The following GAK variants were observed in gnomAD, a reference collection of about 807,000 sequenced individuals.
GAK encodes cyclin-G-associated kinase.
GAK carries 79 observed loss-of-function variants against 143.9 expected under a neutral mutation model. The ratio of observed to expected loss-of-function variants is 0.55; its 90% CI spans 0.46 to 0.66. The LOEUF is 0.66. Among genes scored for constraint, GAK ranks in the 30% least tolerant of loss-of-function variants. GAK has a pLI of 0.00. For missense variants in GAK, 1,693 were observed against 1,779.7 expected, an observed-to-expected ratio of 0.95 and a Z score of 0.88; for synonymous variants, 881 against 765.5, an observed-to-expected ratio of 1.15 and a Z score of -2.49.
At position 868,668 on chromosome 4, in the gene GAK, G is replaced by T; in HGVS notation, c.2266C>A (p.Arg756=). ...LSKFGKPELP[R]QPGSTAQYDA... ...TACTGAGCCGTGGAGCCAGGCTGCCGGGGAAGCTCCGGCTTCCCTGCAGGA... is the reference window on the plus strand; with the variant it reads ...TACTGAGCCGTGGAGCCAGGCTGCCTGGGAAGCTCCGGCTTCCCTGCAGGA... The change falls in exon 20 of 28, where the codon CGG becomes AGG. Residue 756 remains arginine (R), a synonymous_variant. Transcript: ENST00000314167. 1 of 1,553,010 alleles carries T rather than the reference G, an allele frequency of 6.4e-7. No homozygotes were observed. The highest frequency in any genetic ancestry group is 8.7e-7 in the Non-Finnish European group (1 of 1,148,652).
chr4:902,330 G>A (rs1180754010), intron 5 of GAK, among the ~76,000 whole-genome samples: 2 of 151,934 alleles, frequency 1.3e-5, no homozygotes, highest in East Asian at 3.9e-4. Flanking sequence ...GGCAGCCTGG[G>A]AGCGGTGGCT....
chr4:859,584 C>T, intron 24 of GAK, 22 bp downstream of exon 24: 1 of 1,590,354 alleles, frequency 6.3e-7, no homozygotes, highest in Non-Finnish European at 8.6e-7. Flanking sequence ...CTTCCACACC[C>T]CCAAAGTGCC....
intron 5 of GAK, among the ~76,000 whole-genome samples, chr4:903,117 A>G (rs536652308): frequency 6.7e-6 from 1 of 149,854 alleles, no homozygotes; most frequent in African/African-American, 2.5e-5. Flanking sequence ...CACGGAGCGC[A>G]GGCCCAGCCC....
At chr4:859,831 G>A in intron 23 of GAK, 109 bp from the exon 24 acceptor site, 1 of 786,320 alleles carries the variant, frequency 1.3e-6, no homozygotes, top group Non-Finnish European at 2.1e-6. Context: ...ACTCCTGCCT[G>A]AGAGCTGGCA....
At chr4:907,506 T>C (rs1721293049) in intron 4 of GAK, among the ~76,000 whole-genome samples, 1 of 152,208 alleles carries the variant, frequency 6.6e-6, no homozygotes, top group Non-Finnish European at 1.5e-5. Context: ...CCATCATGGA[T>C]GGGCGAGTCT....
chr4:911,335 T>A (rs1446995006), intron 4 of GAK, among the ~76,000 whole-genome samples: 1 of 151,874 alleles, frequency 6.6e-6, no homozygotes, highest in African/African-American at 2.4e-5. Flanking sequence ...GGACAGACGC[T>A]CCTCCACCCC....
chr4:854,889 C>CA (rs1220361015), intron 24 of GAK, among the ~76,000 whole-genome samples: 1 of 152,148 alleles, frequency 6.6e-6, no homozygotes, highest in East Asian at 1.9e-4. Flanking sequence ...ACTAAAAATA[C>CA]AAAAAATTAG....
chr4:874,572 C>T (rs1186317093), intron 18 of GAK, among the ~76,000 whole-genome samples: 1 of 152,130 alleles, frequency 6.6e-6, no homozygotes, highest in Non-Finnish European at 1.5e-5. Flanking sequence ...CATGCATTCC[C>T]ACCCCGTCCT....
rs756537777 is a variant in GAK, at chr4:886,368, G to A, written c.1206-2282C>T. 3.3e-5 allele frequency: 5 copies of A among 152,132 alleles called. No homozygotes were observed. The South Asian group carries it at 6.2e-4, about 19-fold the overall frequency. The allele number at this position is 152,132 out of a possible 1,614,324, so 9.4% of individuals were successfully genotyped here. A position where few individuals can be genotyped will look rare whatever the true frequency, so the allele number is the denominator to read the frequency against. Reference sequence around the variant, plus strand: ...AGCCATTTCTAGAACCAGCCCCTGCGGCCTTAGGCTTCCAGCAGACAGCAG... The same window carrying A: ...AGCCATTTCTAGAACCAGCCCCTGCAGCCTTAGGCTTCCAGCAGACAGCAG... On this transcript the variant is annotated intron_variant, in intron 11 of 27. Transcript: ENST00000314167.
chr4:885,523 G>A (rs138369476), intron 11 of GAK, among the ~76,000 whole-genome samples: 15 of 152,290 alleles, frequency 9.8e-5, no homozygotes, highest in South Asian at 6.2e-4. Context: ...GCAGCCCTGC[G>A]GGGGCCCCAT....
chr4:911,411 T>C (rs1031745358), intron 4 of GAK, among the ~76,000 whole-genome samples: 1 of 152,174 alleles, frequency 6.6e-6, no homozygotes, highest in East Asian at 1.9e-4. Flanking sequence ...ACAGGCAGGA[T>C]GGGAGCCCGG....
At chr4:877,977 A>ATATG (rs1553876414) in intron 15 of GAK, among the ~76,000 whole-genome samples, 168 bp from the exon 16 acceptor site, 2 of 152,012 alleles carry the variant, frequency 1.3e-5, no homozygotes, top group Non-Finnish European at 2.9e-5. Flanking sequence ...TTATATATAT[A>ATATG]TGTGTGTGTG....
intron 23 of GAK, among the ~76,000 whole-genome samples, chr4:862,173 T>C (rs962138754): frequency 6.6e-6 from 1 of 150,924 alleles, no homozygotes; most frequent in Non-Finnish European, 1.5e-5. Flanking sequence ...AGACTCTCCA[T>C]GCAGATATGA....
intron 4 of GAK, among the ~76,000 whole-genome samples, chr4:910,327 C>T (rs1721822644): frequency 7.7e-6 from 1 of 130,684 alleles, no homozygotes; most frequent in Non-Finnish European, 1.6e-5. Context: ...TGCAGTCCCC[C>T]TCCATGAAGC....
At chr4:902,830 C>T (rs1056425225) in intron 5 of GAK, among the ~76,000 whole-genome samples, 8 of 152,114 alleles carry the variant, frequency 5.3e-5, no homozygotes, top group African/African-American at 1.4e-4. Context: ...GCTGCTCCAA[C>T]GAACCAAACA....
rs200248212 is a variant in GAK at position 888,916 on chromosome 4, C to G, written c.1136G>C (p.Arg379Pro). 12 of 1,612,610 alleles carry G rather than the reference C, an allele frequency of 7.4e-6. No homozygotes were observed. The highest frequency in any genetic ancestry group is 1.0e-5 in the Non-Finnish European group (12 of 1,179,712). Residue 379 changes from arginine to proline, a missense_variant, in exon 11 of 28, where the codon CGG (arginine) becomes CCG (proline). Physicochemically the swap from Arg to Pro is moderately radical, Grantham distance 103. This residue lies in a region of GAK where 871 missense variants were observed against 991.0 expected (regional missense o/e 0.88). Coordinates refer to ENST00000314167, the MANE Select transcript of GAK (RefSeq NM_005255.4). ...QPYGGFLDIL[R>P]GGTERLFTNL... is the part of the protein sequence containing the mutation. ...GGTGAAGAGCCGCTCTGTCCCACCC[C>G]GCAGAATGTCCAGGAAGCCGCCATA...
intron 7 of GAK, 122 bp downstream of exon 7, chr4:896,338 G>A (rs1718763729): frequency 1.4e-6 from 1 of 719,114 alleles, no homozygotes; most frequent in South Asian, 1.5e-5. Flanking sequence ...AAGGGGACGG[G>A]AGGGGAAGAG....
intron 12 of GAK, 54 bp from the exon 13 acceptor site, chr4:883,517 G>A: frequency 6.3e-7 from 1 of 1,595,226 alleles, no homozygotes. Context: ...TCGTGGCCAG[G>A]CTGCTGCTGC....
intron 24 of GAK, 105 bp downstream of exon 24, chr4:859,500 GA>G (rs1297244127): frequency 1.2e-6 from 2 of 1,600,008 alleles, no homozygotes; most frequent in Non-Finnish European, 8.5e-7. Flanking sequence ...GGGTCTTAGT[GA>G]ACAGAGGCAA....
Sources: allele counts gnomAD v4.1 joint callset (sites outside exome capture counted in the v4.1 genomes callset), GRCh38; gene constraint gnomAD v4.1.1; regional missense constraint gnomAD v4.1.1; transcripts MANE v1.5; gene names NCBI Gene and HGNC (gene_info 2026-07-23, HGNC 2026-07-21).